EPS8: variants seen among roughly 807,000 people sequenced by gnomAD.
The protein encoded by EPS8 is EGFR pathway substrate 8, signaling adaptor, also known as epidermal growth factor receptor kinase substrate 8.
EPS8 carries 42 observed loss-of-function variants against 103.8 expected under a neutral mutation model. The ratio of observed to expected loss-of-function variants is 0.40; its 90% CI spans 0.32 to 0.52. The LOEUF is 0.52. EPS8 is among the 20% of genes least tolerant of loss of function. The pLI is 0.40. For synonymous variants in EPS8, 344 were observed against 344.6 expected, an observed-to-expected ratio of 1.00 and a Z score of 0.02; for missense variants, 969 against 1,005.1, an observed-to-expected ratio of 0.96 and a Z score of 0.49.
At chr12:15,632,943 G>A (rs986878957) in intron 17 of EPS8, among the ~76,000 whole-genome samples, 1 of 152,100 alleles carries the variant, frequency 6.6e-6, no homozygotes, top group Non-Finnish European at 1.5e-5. Context: ...AAGGAAGTGG[G>A]AAGCGTATTA....
At chr12:15,741,456 C>A (rs74063365) in intron 1 of EPS8, among the ~76,000 whole-genome samples, 3,098 of 152,232 alleles carry the variant, frequency 0.02, 105 homozygotes, top group African/African-American at 0.071. Flanking sequence ...GTAGGTTGAC[C>A]ATCTGCAGTT....
In EPS8 at chr12:15,665,814, C is replaced by G. The variant is rs753002219; in HGVS notation, c.678G>C (p.Gln226His). Residue 226 changes from glutamine (Q) to histidine (H), a missense_variant, in exon 8 of 21, where the codon CAG becomes CAC. Transcript: ENST00000281172. The part of the protein sequence containing the change: ...PAPAPPGTVT[Q>H]VDVRSRVAAW... Reference sequence around the variant, plus strand: ...CTGCCACTCGACTTCTAACATCCACCTGGGTGACGGTCCCAGGGGGCGCAG... The same window carrying G: ...CTGCCACTCGACTTCTAACATCCACGTGGGTGACGGTCCCAGGGGGCGCAG... 1 of 1,613,898 alleles carries G rather than the reference C, an allele frequency of 6.2e-7. No individual in the cohort carries two copies. The highest frequency in any genetic ancestry group is 1.7e-5 in the Admixed American group (1 of 59,952).
At chr12:15,651,278 C>T (rs888461729) in intron 13 of EPS8, among the ~76,000 whole-genome samples, 1 of 152,186 alleles carries the variant, frequency 6.6e-6, no homozygotes, top group Admixed American at 6.5e-5. Flanking sequence ...CCATTAAACT[C>T]AACTTTGTAA....
intron 12 of EPS8, among the ~76,000 whole-genome samples, chr12:15,657,521 G>GA (rs1945529008): frequency 6.6e-6 from 1 of 152,190 alleles, no homozygotes; most frequent in Non-Finnish European, 1.5e-5. Context: ...TAAGTTCTAA[G>GA]AAGGTAAGAA....
Position 15,650,946 on chromosome 12 carries a change from C to A in EPS8, c.1311G>T (p.Trp437Cys). The change falls in exon 14 of 21, where the codon TGG becomes TGT. Residue 437 changes from tryptophan to cysteine, a missense_variant. Coordinates refer to ENST00000281172, the MANE Select transcript of EPS8 (RefSeq NM_004447.6). ...CCATAAAGTTCAGCATTGGGGGCTC[C>A]CAGCCATTGCGGAATCGTGGAACAT... The part of the protein sequence containing the change: ...PPYVPRFRNG[W>C]EPPMLNFMGA... The A allele has an allele frequency of 6.2e-7, 1 of 1,614,076 alleles. No individual in the cohort carries two copies. Among genetic ancestry groups the A allele is most frequent in the African/African-American group, 1.3e-5 (1 of 75,018 alleles).
At chr12:15,743,350 T>C (rs1232078924) in intron 1 of EPS8, among the ~76,000 whole-genome samples, 1 of 152,200 alleles carries the variant, frequency 6.6e-6, no homozygotes, top group Admixed American at 6.5e-5. Flanking sequence ...AGGTAATTTA[T>C]AGATTCAATG....
chr12:15,627,145 G>A (rs543119776), intron 18 of EPS8, among the ~76,000 whole-genome samples: 9 of 152,094 alleles, frequency 5.9e-5, no homozygotes, highest in South Asian at 2.1e-4. Context: ...GACTATAGGC[G>A]TGTGCCACCA....
chr12:15,688,344 T>A lies in EPS8; in HGVS notation c.-21-5372A>T, dbSNP rs1591858731. Among the ~76,000 whole-genome samples the A allele has an allele frequency of 6.6e-6, 1 of 152,074 alleles. No individual in the cohort carries two copies. The highest frequency in any genetic ancestry group is 1.5e-5 in the Non-Finnish European group (1 of 68,010). Reference sequence around the variant, plus strand: ...GGAAGGGAGTGGTCCCTTTAAATAATACAGAAGTGGGGAAAGGAAGTGCTG... The same window carrying A: ...GGAAGGGAGTGGTCCCTTTAAATAAAACAGAAGTGGGGAAAGGAAGTGCTG... On this transcript the variant is annotated intron_variant, in intron 1 of 20. Coordinates refer to ENST00000281172, the MANE Select transcript of EPS8 (RefSeq NM_004447.6). The surrounding 1 kb of genome is among the most constrained non-coding windows in gnomAD (Gnocchi z 5.1).
At chr12:15,724,647 G>A (rs1014828445) in intron 1 of EPS8, among the ~76,000 whole-genome samples, 41 of 152,176 alleles carry the variant, frequency 2.7e-4, no homozygotes. Context: ...GGAGGGACCT[G>A]GTGGGAGATA....
Position 15,696,279 on chromosome 12 carries a change from G to A in EPS8, c.-21-13307C>T, listed in dbSNP as rs1007970196. Among the ~76,000 whole-genome samples the A allele has an allele frequency of 1.3e-5, 2 of 152,170 alleles. No individual in the cohort carries two copies. Among genetic ancestry groups the A allele is most frequent in the Admixed American group, 6.5e-5 (1 of 15,268 alleles). The stretch of plus-strand genomic sequence containing the variant: ...CATAAGCAAAATAAAAGACAGTAGG[G>A]ATGAAGAAACACAAAAATAAAACAG... On this transcript the variant is annotated intron_variant, in intron 1 of 20. Transcript: ENST00000281172. This position sits in a 1 kb window ranked among gnomAD's most constrained non-coding sequence, Gnocchi z 4.8.
At chr12:15,654,001 T>C (rs974907673) in intron 13 of EPS8, 144 bp downstream of exon 13, 10 of 713,958 alleles carry the variant, frequency 1.4e-5, no homozygotes, top group Middle Eastern at 2.5e-4. Flanking sequence ...TCTCTTCCAC[T>C]AGACTTCTAG....
At chr12:15,674,845 G>T (rs1190274886) in intron 3 of EPS8, among the ~76,000 whole-genome samples, 1 of 25,122 alleles carries the variant, frequency 4.0e-5, no homozygotes, top group East Asian at 1.0e-3. Flanking sequence ...AAAAAAATTT[G>T]TTCTGTTAAA....
Position 15,650,895 on chromosome 12 carries a change from A to T in EPS8, c.1362T>A (p.Tyr454Ter). ...FMGATMEQDL[Y>*]QLAESVANVA... ...CATTTGCCACAGATTCTGCCAGTTG[A>T]TAAAGATCTTGTTCCATTGTGGCTC... Residue 454 changes from tyrosine to a stop codon, truncating the protein, a stop_gained, in exon 14 of 21, where the codon TAT (tyrosine) becomes TAA (stop). Coordinates refer to ENST00000281172, the MANE Select transcript of EPS8 (RefSeq NM_004447.6). LOFTEE classifies it high-confidence loss of function. The T allele has an allele frequency of 1.2e-6, 2 of 1,614,064 alleles. No homozygotes were observed. The highest frequency in any genetic ancestry group is 1.7e-6 in the Non-Finnish European group (2 of 1,179,992).
intron 8 of EPS8, among the ~76,000 whole-genome samples, chr12:15,663,935 A>ATAAT (rs1248656121): frequency 0.073 from 809 of 11,070 alleles, 36 homozygotes; most frequent in African/African-American, 0.12. Context: ...AAAAAAAAAA[A>ATAAT]AAAAAAAAAA....
intron 6 of EPS8, 73 bp from the exon 7 acceptor site, chr12:15,666,595 A>AAGGG (rs575901327): frequency 1.9e-6 from 2 of 1,071,220 alleles, no homozygotes; most frequent in Non-Finnish European, 2.9e-6. Flanking sequence ...AAAACAGAAA[A>AAGGG]AGGGATTGTT....
At position 15,772,656 on chromosome 12, in the gene EPS8, A is replaced by G. The variant is rs1357455299; in HGVS notation, c.-22+16505T>C. ...AGGAAGAATTTTGGATACCTATTCC[A>G]TCCCAAGTAGCAGAGCTTCTGAATC... On this transcript the variant is annotated intron_variant, in intron 1 of 20. Transcript: ENST00000281172. The surrounding 1 kb of genome is among the most constrained non-coding windows in gnomAD (Gnocchi z 5.0). Among the ~76,000 whole-genome samples, 1 of 152,232 alleles carries G rather than the reference A, an allele frequency of 6.6e-6. No individual in the cohort carries two copies. Among genetic ancestry groups the G allele is most frequent in the Admixed American group, 6.5e-5 (1 of 15,286 alleles).
intron 14 of EPS8, among the ~76,000 whole-genome samples, chr12:15,648,009 T>C (rs1565478053): frequency 6.6e-6 from 1 of 152,232 alleles, no homozygotes. Context: ...CCCTTGCATG[T>C]GCAGTTCACA....
chr12:15,765,977 C>A (rs1002765040), intron 1 of EPS8, among the ~76,000 whole-genome samples: 1 of 151,542 alleles, frequency 6.6e-6, no homozygotes, highest in Non-Finnish European at 1.5e-5. Context: ...CCATACCCAG[C>A]TAATGTTTTT....
Position 15,727,446 on chromosome 12 carries a change from C to T in EPS8, c.-21-44474G>A, listed in dbSNP as rs1290443977. Among the ~76,000 whole-genome samples, 1 of 152,142 alleles carries T rather than the reference C, an allele frequency of 6.6e-6. No homozygotes were observed. The highest frequency in any genetic ancestry group is 2.4e-5 in the African/African-American group (1 of 41,434). On this transcript the variant is annotated intron_variant, in intron 1 of 20. Transcript: ENST00000281172. The surrounding 1 kb of genome is among the most constrained non-coding windows in gnomAD (Gnocchi z 4.3). ...TGTTTTATTTTAAACATAATTGAAA[C>T]ACTTTAATATTTCCTTTAATGTTGG...
Sources: allele counts gnomAD v4.1 joint callset (sites outside exome capture counted in the v4.1 genomes callset), GRCh38; gene constraint gnomAD v4.1.1; non-coding constraint Gnocchi (gnomAD v3.1); transcripts MANE v1.5; gene names NCBI Gene and HGNC (gene_info 2026-07-23, HGNC 2026-07-21).